NLGN1: variants seen among roughly 807,000 people sequenced by gnomAD.
The protein encoded by NLGN1 is neuroligin 1, also known as neuroligin-1.
NLGN1 carries 12 observed loss-of-function variants against 65.5 expected under a neutral mutation model. That is an observed-to-expected ratio of 0.18 (90% CI 0.12 to 0.30). NLGN1 has a LOEUF of 0.30. Among genes scored for constraint, NLGN1 ranks in the 10% least tolerant of loss-of-function variants. The pLI is 1.00. For missense variants in NLGN1, 750 were observed against 1,007.1 expected (o/e 0.74, Z 3.46); for synonymous variants, 350 against 359.5 (o/e 0.97, Z 0.30).
At chr3:173,673,527 G>T (rs545792722) in intron 3 of NLGN1, among the ~76,000 whole-genome samples, 1 of 152,206 alleles carries the variant, frequency 6.6e-6, no homozygotes, top group Admixed American at 6.5e-5. Context: ...TGTAGTAATA[G>T]AAAATGCAAT....
chr3:173,796,690 G>A (rs922412258), intron 3 of NLGN1, among the ~76,000 whole-genome samples: 7 of 152,032 alleles, frequency 4.6e-5, no homozygotes, highest in African/African-American at 1.4e-4. Flanking sequence ...GGTTTTAGTG[G>A]TCTCATTTGC....
chr3:173,770,051 T>C (rs1302316333), intron 3 of NLGN1, among the ~76,000 whole-genome samples: 2 of 152,292 alleles, frequency 1.3e-5, no homozygotes, highest in South Asian at 4.1e-4. Context: ...TTGGAAACGG[T>C]CCTCTTCCTA....
intron 4 of NLGN1, among the ~76,000 whole-genome samples, chr3:174,199,794 AT>A (rs1417199234): frequency 6.6e-6 from 1 of 152,204 alleles, no homozygotes; most frequent in Non-Finnish European, 1.5e-5. Flanking sequence ...GTTCTACAAG[AT>A]TTTCAAACAT....
intron 4 of NLGN1, among the ~76,000 whole-genome samples, chr3:173,943,375 A>G (rs1476971118): frequency 1.3e-5 from 2 of 152,122 alleles, no homozygotes; most frequent in African/African-American, 4.8e-5. Flanking sequence ...CTTTCTTTGG[A>G]TTTCAGAACC....
intron 2 of NLGN1, among the ~76,000 whole-genome samples, chr3:173,585,677 G>A (rs1010452784): frequency 2.6e-5 from 4 of 152,184 alleles, no homozygotes; most frequent in Admixed American, 6.5e-5. Context: ...CCAGGAAGAC[G>A]TTGCAGGCTT....
chr3:174,019,401 G>T (rs1227006877), intron 4 of NLGN1, among the ~76,000 whole-genome samples: 1 of 152,026 alleles, frequency 6.6e-6, no homozygotes, highest in Non-Finnish European at 1.5e-5. Context: ...CTTGCCATTT[G>T]ATACCTCCCA....
intron 3 of NLGN1, among the ~76,000 whole-genome samples, chr3:173,675,058 C>A (rs1461445847): frequency 2.6e-5 from 4 of 151,784 alleles, no homozygotes; most frequent in Non-Finnish European, 5.9e-5. Context: ...TGATTGACAG[C>A]TGTATGCTTT....
At chr3:173,577,594 A>C (rs968604834) in intron 2 of NLGN1, among the ~76,000 whole-genome samples, 3 of 152,208 alleles carry the variant, frequency 2.0e-5, no homozygotes, top group African/African-American at 7.2e-5. Flanking sequence ...GAGAGTCATG[A>C]ATTTTATGAT....
At chr3:173,986,281 A>G (rs1719899499) in intron 4 of NLGN1, among the ~76,000 whole-genome samples, 1 of 152,090 alleles carries the variant, frequency 6.6e-6, no homozygotes, top group African/African-American at 2.4e-5. Flanking sequence ...AGGCTGACCA[A>G]CATGGTGAAA....
Position 174,160,688 on chromosome 3 carries a change from A to G in NLGN1, c.647-114627A>G, listed in dbSNP as rs1408339291. Reference sequence around the variant, plus strand: ...AATATATAGGAATATATATTATTCCAATATAATAATTGTATATTTTCTATT... The same window carrying G: ...AATATATAGGAATATATATTATTCCGATATAATAATTGTATATTTTCTATT... On this transcript the variant is annotated intron_variant, in intron 4 of 6. Transcript: ENST00000457714. 6.0e-5 allele frequency among the ~76,000 whole-genome samples: 9 copies of G among 150,550 alleles called. No homozygotes were observed. The Admixed American group carries it at 6.0e-4, about 10-fold the overall frequency.
At chr3:173,675,040 G>A (rs537107692) in intron 3 of NLGN1, among the ~76,000 whole-genome samples, 2 of 151,670 alleles carry the variant, frequency 1.3e-5, no homozygotes, top group Admixed American at 6.6e-5. Flanking sequence ...TATGTTGGCC[G>A]GAAGTTTTGA....
chr3:173,737,993 C>T (rs1318319768), intron 3 of NLGN1, among the ~76,000 whole-genome samples: 1 of 152,036 alleles, frequency 6.6e-6, no homozygotes, highest in Non-Finnish European at 1.5e-5. Flanking sequence ...TTGTATTTCC[C>T]TGAAGGCTAA....
chr3:173,650,065 ATTTC>A (rs1327119811), intron 3 of NLGN1, among the ~76,000 whole-genome samples: 2 of 151,900 alleles, frequency 1.3e-5, no homozygotes, highest in South Asian at 4.2e-4. Context: ...ATGCATACTT[ATTTC>A]TTATTTCTCA....
chr3:174,215,978 T>C lies in NLGN1; in HGVS notation c.647-59337T>C, dbSNP rs139989787. Among the ~76,000 whole-genome samples the C allele has an allele frequency of 2.5e-3, 383 of 152,230 alleles. 3 individuals are homozygous for C. Among genetic ancestry groups the C allele is most frequent in the African/African-American group, 7.6e-3 (314 of 41,550 alleles). On this transcript the variant is annotated intron_variant, in intron 4 of 6. Coordinates refer to ENST00000457714, the Ensembl canonical transcript of NLGN1. ...ACTTGCTCCCTCTTCAACAGTCAAA[T>C]CTTCTTAACATTCAGAGGAGGAAAA...
chr3:174,006,076 C>T (rs1724321220), intron 4 of NLGN1, among the ~76,000 whole-genome samples: 1 of 152,154 alleles, frequency 6.6e-6, no homozygotes, highest in South Asian at 2.1e-4. Context: ...TACATTCATC[C>T]CCTCATTGCC....
intron 3 of NLGN1, among the ~76,000 whole-genome samples, chr3:173,671,909 T>C (rs1225966077): frequency 6.6e-6 from 1 of 151,336 alleles, no homozygotes; most frequent in African/African-American, 2.4e-5. Context: ...GCGTGGTGGC[T>C]CACACCTCTA....
intron 4 of NLGN1, among the ~76,000 whole-genome samples, chr3:174,266,862 TCTTGA>T (rs1437787987): frequency 2.0e-5 from 3 of 152,342 alleles, no homozygotes; most frequent in Non-Finnish European, 2.9e-5. Context: ...TTTTAATTCT[TCTTGA>T]CTTCATTTTT....
intron 4 of NLGN1, among the ~76,000 whole-genome samples, chr3:173,883,329 C>T (rs1490286344): frequency 6.6e-6 from 1 of 152,138 alleles, no homozygotes; most frequent in Non-Finnish European, 1.5e-5. Context: ...ACAGTCAGAA[C>T]ATACATAACA....
intron 1 of NLGN1, among the ~76,000 whole-genome samples, chr3:173,425,814 G>T (rs1439104072): frequency 6.6e-6 from 1 of 151,568 alleles, no homozygotes; most frequent in African/African-American, 2.4e-5. Flanking sequence ...TGACTATTTG[G>T]GGTTCTTTGT....
Sources: gnomAD v4.1 joint callset for allele counts (sites outside exome capture counted in the v4.1 genomes callset) on GRCh38, gnomAD v4.1.1 for gene constraint, MANE v1.5 for transcripts, NCBI Gene and HGNC (gene_info 2026-07-23, HGNC 2026-07-21) for gene names.